The following RAB11FIP4 variants were observed in gnomAD, a reference collection of about 807,000 sequenced individuals.
The protein encoded by RAB11FIP4 is rab11 family-interacting protein 4.
RAB11FIP4 carries 23 observed loss-of-function variants against 74.3 expected under a neutral mutation model. That is an observed-to-expected ratio of 0.31 (90% CI 0.22 to 0.44). The LOEUF (loss-of-function observed/expected upper bound fraction) is 0.44. Among genes scored for constraint, RAB11FIP4 ranks in the 20% least tolerant of loss-of-function variants. The probability of loss-of-function intolerance (pLI) is 1.00; values close to 1 mark genes in which losing one functional copy is unlikely to be tolerated. For missense variants in RAB11FIP4, 630 were observed against 863.9 expected (o/e 0.73, Z 3.39); for synonymous variants, 360 against 359.9 (o/e 1.00, Z 0.00).
At chr17:31,428,901 C>T (rs1034001035) in intron 1 of RAB11FIP4, among the ~76,000 whole-genome samples, 2 of 151,908 alleles carry the variant, frequency 1.3e-5, no homozygotes, top group Non-Finnish European at 2.9e-5. Flanking sequence ...ATGATCATGC[C>T]ACTGCACTCC....
chr17:31,519,798 G>A (rs2072628317), intron 4 of RAB11FIP4, among the ~76,000 whole-genome samples: 1 of 152,064 alleles, frequency 6.6e-6, no homozygotes, highest in African/African-American at 2.4e-5. Flanking sequence ...GGCCCTTTGG[G>A]TCTGTGGATG....
At chr17:31,461,872 G>A (rs1051356208) in intron 3 of RAB11FIP4, among the ~76,000 whole-genome samples, 7 of 152,112 alleles carry the variant, frequency 4.6e-5, no homozygotes, top group Admixed American at 2.6e-4. Context: ...TAACACCCTC[G>A]GAGATTCATT....
At chr17:31,450,318 G>A (rs865796305) in intron 3 of RAB11FIP4, among the ~76,000 whole-genome samples, 15 of 115,958 alleles carry the variant, frequency 1.3e-4, no homozygotes, top group Middle Eastern at 4.3e-3. Flanking sequence ...CCCCGCCACC[G>A]GCTTTATTAT....
At position 31,533,520 on chromosome 17, in the gene RAB11FIP4, G is replaced by A. The variant is rs911367476; in HGVS notation, c.*1788G>A. 6.6e-6 allele frequency: 1 copy of A among 152,352 alleles called. No homozygotes were observed. Among genetic ancestry groups the A allele is most frequent in the Non-Finnish European group, 1.5e-5 (1 of 68,128 alleles). The allele number at this position is 152,352 out of a possible 1,614,324, so 9.4% of individuals were successfully genotyped here. A position where few individuals can be genotyped will look rare whatever the true frequency, so the allele number is the denominator to read the frequency against. On this transcript the variant is annotated 3_prime_UTR_variant, in exon 15 of 15. Coordinates refer to ENST00000621161, the MANE Select transcript of RAB11FIP4 (RefSeq NM_032932.6). ...TCTCTTGAGAATTTGCCAATAGGAAGGAGTGGCCACGGCTGAAAGGAACAA... is the reference window on the plus strand; with the variant it reads ...TCTCTTGAGAATTTGCCAATAGGAAAGAGTGGCCACGGCTGAAAGGAACAA...
At chr17:31,431,159 C>T (rs1008121625) in intron 1 of RAB11FIP4, among the ~76,000 whole-genome samples, 2 of 152,164 alleles carry the variant, frequency 1.3e-5, no homozygotes, top group South Asian at 4.1e-4. Context: ...GATGAACCCA[C>T]CGGGCAGAAT....
chr17:31,469,631 C>CA (rs11414143), intron 3 of RAB11FIP4, among the ~76,000 whole-genome samples: 5,018 of 91,650 alleles, frequency 0.055, 381 homozygotes, highest in African/African-American at 0.19. Flanking sequence ...GACCCTCTCT[C>CA]AAAAAAAAAA....
intron 3 of RAB11FIP4, chr17:31,509,084 C>G (rs1369331749): frequency 6.6e-6 from 1 of 152,650 alleles, no homozygotes; most frequent in Admixed American, 6.5e-5. Flanking sequence ...CAGCACCAAC[C>G]TGAGGTTCCA....
chr17:31,523,227 G>C, intron 7 of RAB11FIP4: 1 of 472,932 alleles, frequency 2.1e-6, no homozygotes, highest in Non-Finnish European at 3.9e-6. Context: ...GGTAGCTGCA[G>C]GCCAGCATGC....
intron 3 of RAB11FIP4, among the ~76,000 whole-genome samples, chr17:31,452,948 C>G (rs2071539678): frequency 6.6e-6 from 1 of 152,162 alleles, no homozygotes; most frequent in Non-Finnish European, 1.5e-5. Context: ...GATGGGGCAG[C>G]TGACCCCGCG....
At chr17:31,422,298 G>T (rs1241342594) in intron 1 of RAB11FIP4, among the ~76,000 whole-genome samples, 1 of 152,220 alleles carries the variant, frequency 6.6e-6, no homozygotes, top group Non-Finnish European at 1.5e-5. Flanking sequence ...TTCTTGGGTG[G>T]TGTGTTCGAT....
At chr17:31,498,058 G>A (rs1036366432) in intron 3 of RAB11FIP4, among the ~76,000 whole-genome samples, 2 of 152,160 alleles carry the variant, frequency 1.3e-5, no homozygotes, top group Non-Finnish European at 2.9e-5. Context: ...AGCATGTCCT[G>A]AGGCTGAGAC....
chr17:31,451,458 CAAA>C (rs60812825), intron 3 of RAB11FIP4, among the ~76,000 whole-genome samples: 1,689 of 85,966 alleles, frequency 0.02, 41 homozygotes, highest in African/African-American at 0.071. Flanking sequence ...GACTCCATCT[CAAA>C]AAAAAAAAAA....
At position 31,537,551 on chromosome 17, in the gene RAB11FIP4, C is replaced by CTA; in HGVS notation, c.*5819_*5820insTA. On this transcript the variant is annotated 3_prime_UTR_variant, in exon 15 of 15. Transcript: ENST00000621161. ...ACTCTTTAACCTGGGGCATTGGCCC[C>CTA]AGCAGGGATATCATGGGACCGCAGC... The CTA allele has an allele frequency of 4.8e-6, 1 of 209,148 alleles. No individual in the cohort carries two copies. Among genetic ancestry groups the CTA allele is most frequent in the Non-Finnish European group, 9.5e-6 (1 of 105,146 alleles). 13.0% of individuals were successfully genotyped at this position (209,148 alleles called of 1,614,324 possible). A position where few individuals can be genotyped will look rare whatever the true frequency, so the allele number is the denominator to read the frequency against.
At chr17:31,442,155 C>T (rs1410629034) in intron 3 of RAB11FIP4, among the ~76,000 whole-genome samples, 1 of 151,958 alleles carries the variant, frequency 6.6e-6, no homozygotes, top group Non-Finnish European at 1.5e-5. Flanking sequence ...CCCGCCACCA[C>T]GCCTGGCTAA....
At chr17:31,395,766 A>G (rs1486211063) in intron 1 of RAB11FIP4, among the ~76,000 whole-genome samples, 1 of 152,202 alleles carries the variant, frequency 6.6e-6, no homozygotes, top group East Asian at 1.9e-4. Context: ...CAAGAAGAGG[A>G]CATTAGGTAA....
At chr17:31,523,405 A>G in intron 7 of RAB11FIP4, 107 bp from the exon 8 acceptor site, 2 of 873,320 alleles carry the variant, frequency 2.3e-6, no homozygotes, top group Non-Finnish European at 3.9e-6. Context: ...GCCTCCTTAA[A>G]GGGGCAGACC....
chr17:31,528,908 G>A, intron 13 of RAB11FIP4, 130 bp downstream of exon 13: 3 of 1,055,730 alleles, frequency 2.8e-6, no homozygotes, highest in South Asian at 3.3e-5. Context: ...TCAGCAACCT[G>A]TTTGCCAGGG....
At position 31,464,241 on chromosome 17, in the gene RAB11FIP4, G is replaced by A. The variant is rs374011614; in HGVS notation, c.336+30119G>A. Among the ~76,000 whole-genome samples, 269 of 151,706 alleles carry A rather than the reference G, an allele frequency of 1.8e-3. 2 individuals are homozygous for A. The highest frequency in any genetic ancestry group is 6.1e-3 in the African/African-American group (253 of 41,378). ...GGGACCCCCCCAGCTTTCTCAGGCT[G>A]ATCAAGCAGAAGTTGGCCATGCCGG... On this transcript the variant is annotated intron_variant, in intron 3 of 14. Transcript: ENST00000621161.
intron 1 of RAB11FIP4, among the ~76,000 whole-genome samples, chr17:31,423,865 AT>A: frequency 6.7e-6 from 1 of 149,658 alleles, no homozygotes; most frequent in Admixed American, 6.7e-5. Context: ...CCTTTTTCTC[AT>A]TTTTTTCCAG....
Sources: gnomAD v4.1 joint callset for allele counts (sites outside exome capture counted in the v4.1 genomes callset) on GRCh38, gnomAD v4.1.1 for gene constraint, MANE v1.5 for transcripts, NCBI Gene and HGNC (gene_info 2026-07-23, HGNC 2026-07-21) for gene names.